SYNE2: variants seen among roughly 807,000 people sequenced by gnomAD.
SYNE2 encodes nesprin-2.
Under a neutral mutation model 856.3 loss-of-function variants are expected in SYNE2, and 431 were observed. That is an observed-to-expected ratio of 0.50 (90% CI 0.47 to 0.55). The LOEUF (loss-of-function observed/expected upper bound fraction) is 0.55. SYNE2 is among the 20% of genes least tolerant of loss of function. The probability of loss-of-function intolerance (pLI) is 0.00; values close to 1 mark genes in which losing one functional copy is unlikely to be tolerated. For missense variants in SYNE2, 8,129 were observed against 8,023.2 expected (o/e 1.01, Z -0.50); for synonymous variants, 2,923 against 2,872.3 (o/e 1.02, Z -0.56).
chr14:63,875,012 T>C (rs1374599896), intron 1 of SYNE2, among the ~76,000 whole-genome samples: 1 of 152,096 alleles, frequency 6.6e-6, no homozygotes, highest in Admixed American at 6.6e-5. Flanking sequence ...ATCTTCTTCA[T>C]GATCACATGG....
chr14:64,093,414 T>C lies in SYNE2; in HGVS notation c.12042T>C (p.Asn4014=). Reference sequence around the variant, plus strand: ...AAAATTTGAAACAGATCTTAAATAATTATTCAGCTCAGTTCTCCCTTGAAC... The same window carrying C: ...AAAATTTGAAACAGATCTTAAATAACTATTCAGCTCAGTTCTCCCTTGAAC... ...EIENLKQILN[N]YSAQFSLEHM... is the part of the protein sequence containing the mutation. Residue 4014 remains asparagine, a synonymous_variant, in exon 61 of 116, where the codon AAT becomes AAC. Coordinates refer to ENST00000555002, the MANE Select transcript of SYNE2 (RefSeq NM_182914.3). 6.2e-7 allele frequency: 1 copy of C among 1,614,126 alleles called. No individual in the cohort carries two copies. The highest frequency in any genetic ancestry group is 8.5e-7 in the Non-Finnish European group (1 of 1,179,986).
intron 1 of SYNE2, among the ~76,000 whole-genome samples, chr14:63,826,407 C>A (rs935218847): frequency 3.4e-4 from 51 of 152,188 alleles, no homozygotes; most frequent in Non-Finnish European, 2.5e-4. Flanking sequence ...TCAAGCGATT[C>A]TCCTGCCTCA....
At chr14:63,836,023 T>A (rs974033964) in intron 1 of SYNE2, among the ~76,000 whole-genome samples, 2 of 151,100 alleles carry the variant, frequency 1.3e-5, no homozygotes, top group African/African-American at 4.9e-5. Context: ...AATATTTCAA[T>A]TAATATTTTA....
At position 64,062,821 on chromosome 14, in the gene SYNE2, A is replaced by G; in HGVS notation, c.10138A>G (p.Thr3380Ala). The change falls in exon 50 of 116, where the codon ACA (threonine) becomes GCA (alanine). Residue 3380 changes from threonine to alanine, a missense_variant. Thr to Ala is a moderately conservative substitution (Grantham distance 58, BLOSUM62 0). This residue lies in a region of SYNE2 where 5,410 missense variants were observed against 5,284.8 expected (regional missense o/e 1.02). Transcript: ENST00000555002. Reference sequence around the variant, plus strand: ...TTACACTAACCTCAGCAAAATGGAGACAGTTCTTGGACAGTCCATGTCCTC... The same window carrying G: ...TTACACTAACCTCAGCAAAATGGAGGCAGTTCTTGGACAGTCCATGTCCTC... Reference protein sequence around the residue: ...DIYTNLSKMETVLGQSMSSLP... With the variant: ...DIYTNLSKMEAVLGQSMSSLP... The G allele has an allele frequency of 6.2e-7, 1 of 1,614,156 alleles. No individual in the cohort carries two copies. Among genetic ancestry groups the G allele is most frequent in the South Asian group, 1.1e-5 (1 of 91,080 alleles).
At chr14:63,852,017 G>GT (rs1468171073), upstream of SYNE2, among the ~76,000 whole-genome samples, 1 of 96,920 alleles carries the variant, frequency 1.0e-5, no homozygotes, top group East Asian at 4.1e-4. Flanking sequence ...AAATGGGGGG[G>GT]GGGGGTTGAG....
intron 1 of SYNE2, among the ~76,000 whole-genome samples, chr14:63,845,206 A>G (rs1890186813): frequency 6.6e-6 from 1 of 152,172 alleles, no homozygotes; most frequent in South Asian, 2.1e-4. Context: ...ACCTGAGGTC[A>G]GGAGTTCAAA....
intron 1 of SYNE2, among the ~76,000 whole-genome samples, chr14:63,772,959 A>G (rs910426146): frequency 2.7e-4 from 41 of 151,788 alleles, no homozygotes; most frequent in Non-Finnish European, 1.2e-4. Flanking sequence ...TTGTATTTTT[A>G]GTAAAATGGG....
chr14:63,777,132 T>C (rs1037004071), intron 1 of SYNE2, among the ~76,000 whole-genome samples: 1 of 152,186 alleles, frequency 6.6e-6, no homozygotes, highest in Non-Finnish European at 1.5e-5. Context: ...ATTCTTTATC[T>C]AACAAATGGG....
intron 1 of SYNE2, among the ~76,000 whole-genome samples, chr14:63,808,103 A>T (rs1888453521): frequency 6.9e-6 from 1 of 144,084 alleles, no homozygotes; most frequent in Non-Finnish European, 1.5e-5. Context: ...AATTTTTAAA[A>T]TTTTTATAGA....
chr14:64,124,398 A>G (rs951995205), intron 70 of SYNE2, among the ~76,000 whole-genome samples: 3 of 137,398 alleles, frequency 2.2e-5, no homozygotes, highest in East Asian at 2.1e-4. Context: ...TTTTTTTTGC[A>G]GAGAATGTAT....
At chr14:64,080,029 T>C (rs1567232620) in intron 55 of SYNE2, among the ~76,000 whole-genome samples, 1 of 151,690 alleles carries the variant, frequency 6.6e-6, no homozygotes, top group Non-Finnish European at 1.5e-5. Flanking sequence ...GAAATTATTT[T>C]GTAGATTAAG....
intron 76 of SYNE2, among the ~76,000 whole-genome samples, chr14:64,130,734 A>G (rs2098008902): frequency 6.6e-6 from 1 of 151,898 alleles, no homozygotes; most frequent in South Asian, 2.1e-4. Context: ...AAAATACAAA[A>G]ATTAGCTGGG....
intron 111 of SYNE2, 150 bp from the exon 112 acceptor site, chr14:64,221,426 G>A (rs1158661975): frequency 2.9e-6 from 4 of 1,403,110 alleles, no homozygotes; most frequent in East Asian, 4.6e-5. Flanking sequence ...TGGGGCCCTG[G>A]CATTTAGTTT....
At chr14:63,989,695 G>C (rs60417638) in intron 19 of SYNE2, among the ~76,000 whole-genome samples, 11,514 of 152,118 alleles carry the variant, frequency 0.076, 462 homozygotes, top group Admixed American at 0.11. Context: ...TTGTCACCCA[G>C]GCTGGAGTTC....
intron 90 of SYNE2, chr14:64,166,973 G>A (rs536117757): frequency 9.6e-6 from 5 of 522,994 alleles, no homozygotes; most frequent in South Asian, 4.2e-5. Context: ...TGTATTCTTC[G>A]GTGACAAAAT....
chr14:63,994,038 G>A lies in SYNE2; in HGVS notation c.2781+69G>A, dbSNP rs2096691547. 9 of 1,530,012 alleles carry A rather than the reference G, an allele frequency of 5.9e-6. No individual in the cohort carries two copies. The South Asian group carries it at 9.1e-5, about 15-fold the overall frequency. The allele number at this position is 1,530,012 out of a possible 1,614,324, so 94.8% of individuals were successfully genotyped here. A position where few individuals can be genotyped will look rare whatever the true frequency, so the allele number is the denominator to read the frequency against. The stretch of plus-strand genomic sequence containing the variant: ...TGATCCTGGGCTGTTGGTTGTCAGA[G>A]CCATTCCTGGGGTTTTCCTGTCTAC... On this transcript the variant is annotated intron_variant, in intron 22 of 115. Coordinates refer to ENST00000555002, the MANE Select transcript of SYNE2 (RefSeq NM_182914.3).
chr14:64,217,510 TTTG>T (rs2140310407), intron 108 of SYNE2, among the ~76,000 whole-genome samples: 1 of 152,348 alleles, frequency 6.6e-6, no homozygotes, highest in South Asian at 2.1e-4. Context: ...TAATGGGCTG[TTTG>T]TGTCCAATTC....
rs764277197 is a variant in SYNE2 at position 64,122,440 on chromosome 14, C to G, written c.13422+13C>G. ...TGTGGAGCCTCAGGTCAGTCTGTAT[C>G]TACATGGTGCAAATAGCCTGTTTAT... On this transcript the variant is annotated intron_variant, in intron 70 of 115. Coordinates refer to ENST00000555002, the MANE Select transcript of SYNE2 (RefSeq NM_182914.3). The G allele has an allele frequency of 2.3e-5, 37 of 1,614,062 alleles. 1 individual carries two copies. The South Asian group carries it at 2.4e-4, about 11-fold the overall frequency.
intron 1 of SYNE2, among the ~76,000 whole-genome samples, chr14:63,773,939 T>C (rs1191661575): frequency 1.3e-5 from 2 of 152,202 alleles, no homozygotes; most frequent in Non-Finnish European, 2.9e-5. Flanking sequence ...CATAGGACTT[T>C]TACACCTATA....
Sources: allele counts gnomAD v4.1 joint callset (sites outside exome capture counted in the v4.1 genomes callset), GRCh38; gene constraint gnomAD v4.1.1; regional missense constraint gnomAD v4.1.1; transcripts MANE v1.5; gene names NCBI Gene and HGNC (gene_info 2026-07-23, HGNC 2026-07-21).